The following DDX1 variants were observed in gnomAD, a reference collection of about 807,000 sequenced individuals.
DDX1 encodes the protein DEAD-box helicase 1.
DDX1 carries 28 observed loss-of-function variants against 108.7 expected under a neutral mutation model. The ratio of observed to expected loss-of-function variants is 0.26; its 90% CI spans 0.19 to 0.35. The LOEUF (loss-of-function observed/expected upper bound fraction) is 0.35. Among genes scored for constraint, DDX1 ranks in the 10% least tolerant of loss-of-function variants. The pLI is 1.00. For missense variants in DDX1, 710 were observed against 884.5 expected (o/e 0.80, Z 2.50); for synonymous variants, 295 against 288.9 (o/e 1.02, Z -0.21).
intron 10 of DDX1, among the ~76,000 whole-genome samples, chr2:15,605,664 A>G (rs1217571800): frequency 6.6e-6 from 1 of 152,140 alleles, no homozygotes; most frequent in Non-Finnish European, 1.5e-5. Context: ...AGGTGAGTTC[A>G]AGGGAGGTTT....
In DDX1 at chr2:15,597,479, T is replaced by C. The variant is rs1665521242; in HGVS notation, c.259+8T>C. 6.4e-7 allele frequency: 1 copy of C among 1,555,984 alleles called. No homozygotes were observed. Among genetic ancestry groups the C allele is most frequent in the Non-Finnish European group, 8.8e-7 (1 of 1,136,022 alleles). ...TTAAAACTGGTGCTTCAGGTAATTT[T>C]TGTAAATTGATATTTCCTTTTATAT... is the stretch of plus-strand genomic sequence containing the variant. On this transcript the variant is annotated splice_region_variant and intron_variant, in intron 5 of 25. Transcript: ENST00000233084.
chr2:15,629,943 C>A lies in DDX1; in HGVS notation c.1972-47C>A. The A allele has an allele frequency of 3.3e-6, 5 of 1,526,670 alleles. No individual in the cohort carries two copies. In the South Asian group the frequency reaches 5.0e-5, roughly 15 times the overall value. 94.6% of individuals were successfully genotyped at this position (1,526,670 alleles called of 1,614,324 possible). A position where few individuals can be genotyped will look rare whatever the true frequency, so the allele number is the denominator to read the frequency against. ...TATTTAATGATGATAAAATGCAACT[C>A]TTTCTAAATGAAATTTTTATTTGGA... On this transcript the variant is annotated intron_variant, in intron 24 of 25. Transcript: ENST00000233084.
intron 10 of DDX1, among the ~76,000 whole-genome samples, chr2:15,605,022 G>T (rs1382493316): frequency 2.0e-5 from 3 of 152,206 alleles, no homozygotes; most frequent in Admixed American, 2.0e-4. Context: ...TGGGGATAAA[G>T]GACGGTGGTA....
At chr2:15,620,871 G>A (rs1215884109) in intron 17 of DDX1, among the ~76,000 whole-genome samples, 194 bp from the exon 18 acceptor site, 1 of 151,974 alleles carries the variant, frequency 6.6e-6, no homozygotes. Context: ...CTTTAAAAGT[G>A]GTCTTAGACC....
intron 18 of DDX1, among the ~76,000 whole-genome samples, chr2:15,622,487 G>A (rs189936330): frequency 6.6e-6 from 1 of 152,278 alleles, no homozygotes; most frequent in Admixed American, 6.5e-5. Flanking sequence ...AAACCCATTA[G>A]GCTGCATGTC....
chr2:15,615,486 G>A (rs546942392), intron 14 of DDX1, among the ~76,000 whole-genome samples: 20 of 152,198 alleles, frequency 1.3e-4, no homozygotes, highest in Non-Finnish European at 2.2e-4. Context: ...GCACATAGTA[G>A]ATTCTTAATA....
intron 19 of DDX1, among the ~76,000 whole-genome samples, chr2:15,626,724 T>C (rs1044477307): frequency 1.3e-5 from 2 of 152,160 alleles, no homozygotes; most frequent in African/African-American, 4.8e-5. Flanking sequence ...TTGCCTACTT[T>C]TTGAGTCTTA....
At chr2:15,609,505 T>C (rs1006490565) in intron 13 of DDX1, among the ~76,000 whole-genome samples, 1 of 152,236 alleles carries the variant, frequency 6.6e-6, no homozygotes, top group African/African-American at 2.4e-5. Flanking sequence ...TTTTTAATTT[T>C]CTTAATTTTT....
In DDX1 at chr2:15,602,593, A is replaced by C; in HGVS notation, c.353A>C (p.Glu118Ala). ...GLCCQSREVK[E>A]WHGCRATKGL... ...TGTTGTCAAAGCAGAGAAGTAAAGG[A>C]ATGGCATGGGTGTAGAGCTACTAAA... The change falls in exon 7 of 26, where the codon GAA becomes GCA. Residue 118 changes from glutamate to alanine, a missense_variant. By Grantham distance (107) the Glu-to-Ala change is moderately radical. Around this residue, in one of 3 missense-constraint regions of DDX1, gnomAD observed 661 missense variants for 810.2 expected, o/e 0.82. Transcript: ENST00000233084. 6.2e-7 allele frequency: 1 copy of C among 1,613,846 alleles called. No homozygotes were observed. The highest frequency in any genetic ancestry group is 2.2e-5 in the East Asian group (1 of 44,884).
Position 15,603,870 on chromosome 2 carries a change from C to A in DDX1, c.532C>A (p.Gln178Lys), listed in dbSNP as rs1301879917. ...AACAGGAAAGAAATCCCATAACAAACAATTTGATAATTATGGAGAGGTAAG... is the reference window on the plus strand; with the variant it reads ...AACAGGAAAGAAATCCCATAACAAAAAATTTGATAATTATGGAGAGGTAAG... ...GGTGKKSHNKQFDNYGEEFTM... is the reference protein window; with the variant it reads ...GGTGKKSHNKKFDNYGEEFTM... The change falls in exon 9 of 26, where the codon CAA (glutamine) becomes AAA (lysine). Residue 178 changes from glutamine to lysine, a missense_variant. This residue lies in a region of DDX1 where 661 missense variants were observed against 810.2 expected (regional missense o/e 0.82). Transcript: ENST00000233084. 6.2e-7 allele frequency: 1 copy of A among 1,611,244 alleles called. No individual in the cohort carries two copies. Among genetic ancestry groups the A allele is most frequent in the Non-Finnish European group, 8.5e-7 (1 of 1,178,412 alleles).
intron 7 of DDX1, 104 bp downstream of exon 7, chr2:15,602,735 C>T (rs549914842): frequency 2.8e-5 from 24 of 870,238 alleles, no homozygotes; most frequent in Middle Eastern, 2.4e-4. Context: ...GAGTCTCGCA[C>T]GTCGCCCGGG....
intron 14 of DDX1, among the ~76,000 whole-genome samples, chr2:15,613,750 C>T (rs185363739): frequency 6.6e-6 from 1 of 151,784 alleles, no homozygotes; most frequent in African/African-American, 2.4e-5. Flanking sequence ...AAGGGGAAGT[C>T]GCAAAGGCTG....
chr2:15,612,022 T>C (rs1665775388), intron 13 of DDX1, among the ~76,000 whole-genome samples: 3 of 123,200 alleles, frequency 2.4e-5, no homozygotes, highest in African/African-American at 6.6e-5. Flanking sequence ...GGCTCCTCAC[T>C]TCCCAGTAGG....
intron 5 of DDX1, among the ~76,000 whole-genome samples, chr2:15,598,972 A>G (rs894677755): frequency 1.3e-5 from 2 of 152,196 alleles, no homozygotes; most frequent in Non-Finnish European, 2.9e-5. Context: ...AGACTCTGAA[A>G]TGTTGATCAG....
intron 16 of DDX1, among the ~76,000 whole-genome samples, chr2:15,619,815 C>A (rs867661277): frequency 3.3e-5 from 5 of 152,040 alleles, no homozygotes; most frequent in African/African-American, 1.2e-4. Flanking sequence ...GTTGCCTGTT[C>A]GAAGGAAAAA....
intron 3 of DDX1, 75 bp from the exon 4 acceptor site, chr2:15,596,659 A>AC (rs1398570961): frequency 3.9e-6 from 5 of 1,267,512 alleles, no homozygotes; most frequent in Non-Finnish European, 5.7e-6. Flanking sequence ...AAAGATTTCT[A>AC]CATACTATGG....
At chr2:15,623,327 A>C in intron 18 of DDX1, 109 bp from the exon 19 acceptor site, 2 of 965,720 alleles carry the variant, frequency 2.1e-6, no homozygotes, top group Non-Finnish European at 3.1e-6. Flanking sequence ...TAAAACAAGT[A>C]TTCTTTTTTA....
At chr2:15,623,245 T>G (rs1666040230) in intron 18 of DDX1, among the ~76,000 whole-genome samples, 191 bp from the exon 19 acceptor site, 1 of 152,144 alleles carries the variant, frequency 6.6e-6, no homozygotes, top group Non-Finnish European at 1.5e-5. Context: ...CAAAAATAAA[T>G]GAATGAATGG....
intron 16 of DDX1, among the ~76,000 whole-genome samples, chr2:15,619,792 G>T (rs190703144): frequency 6.6e-6 from 1 of 152,282 alleles, no homozygotes; most frequent in East Asian, 1.9e-4. Flanking sequence ...GTGTATTCCA[G>T]ATTATTAGTA....
Sources: allele counts gnomAD v4.1 joint callset (sites outside exome capture counted in the v4.1 genomes callset), GRCh38; gene constraint gnomAD v4.1.1; regional missense constraint gnomAD v4.1.1; transcripts MANE v1.5; gene names NCBI Gene and HGNC (gene_info 2026-07-23, HGNC 2026-07-21).